Variants in PHLDB2 observed in about 807,000 individuals in gnomAD.
The protein encoded by PHLDB2 is pleckstrin homology like domain family B member 2.
PHLDB2 carries 71 observed loss-of-function variants against 123.6 expected under a neutral mutation model. That is an observed-to-expected ratio of 0.57 (90% CI 0.47 to 0.70). The LOEUF is 0.70. Ranked by LOEUF, PHLDB2 falls within the 30% of genes least tolerant of loss-of-function variation. The pLI is 0.00. For synonymous variants in PHLDB2, 547 were observed against 541.6 expected, an observed-to-expected ratio of 1.01 and a Z score of -0.14; for missense variants, 1,446 against 1,519.5, an observed-to-expected ratio of 0.95 and a Z score of 0.80.
chr3:111,823,078 C>T (rs1296012274), intron 1 of PHLDB2, among the ~76,000 whole-genome samples: 1 of 152,326 alleles, frequency 6.6e-6, no homozygotes, highest in East Asian at 1.9e-4. Flanking sequence ...CATAGTACCA[C>T]CAAGGTGATG....
intron 16 of PHLDB2, among the ~76,000 whole-genome samples, chr3:111,972,580 T>G (rs542374437): frequency 7.6e-4 from 115 of 152,234 alleles, no homozygotes; most frequent in South Asian, 3.3e-3. Flanking sequence ...CTTCTATATA[T>G]GTTTCAGTAT....
intron 1 of PHLDB2, among the ~76,000 whole-genome samples, chr3:111,837,242 G>A (rs2063457184): frequency 6.6e-6 from 1 of 152,124 alleles, no homozygotes; most frequent in Non-Finnish European, 1.5e-5. Flanking sequence ...AATATCTAAA[G>A]TTTAGGAATG....
intron 1 of PHLDB2, among the ~76,000 whole-genome samples, chr3:111,868,682 AAT>A (rs1163238367): frequency 6.6e-6 from 1 of 151,932 alleles, no homozygotes. Flanking sequence ...GTCTCCTTTA[AAT>A]ATTGGTAAAG....
At chr3:111,803,582 A>G (rs1183273982) in intron 1 of PHLDB2, among the ~76,000 whole-genome samples, 3 of 152,094 alleles carry the variant, frequency 2.0e-5, no homozygotes, top group Non-Finnish European at 4.4e-5. Context: ...ATGGAACACC[A>G]TCTCACCCAC....
chr3:111,857,750 C>T (rs535470690), upstream of PHLDB2, among the ~76,000 whole-genome samples: 21 of 152,198 alleles, frequency 1.4e-4, no homozygotes, highest in East Asian at 3.1e-3. Flanking sequence ...AAAACCACAA[C>T]GAGATACCAT....
At chr3:111,825,759 C>T (rs1386491149) in intron 1 of PHLDB2, among the ~76,000 whole-genome samples, 2 of 152,172 alleles carry the variant, frequency 1.3e-5, no homozygotes, top group African/African-American at 4.8e-5. Context: ...GCCCACACTT[C>T]CTCTTTTAAA....
chr3:111,878,333 T>C (rs1218853984), intron 1 of PHLDB2, among the ~76,000 whole-genome samples: 1 of 152,244 alleles, frequency 6.6e-6, no homozygotes, highest in African/African-American at 2.4e-5. Flanking sequence ...GGGAGTTCAC[T>C]CATGATTTGG....
At position 111,884,812 on chromosome 3, in the gene PHLDB2, C is replaced by G. The variant is rs1220400736; in HGVS notation, c.735C>G (p.Ser245Arg). 5.6e-6 allele frequency: 9 copies of G among 1,613,974 alleles called. No individual in the cohort carries two copies. In the African/African-American group the frequency reaches 1.2e-4, roughly 22 times the overall value. The change falls in exon 2 of 18, where the codon AGC becomes AGG. Residue 245 changes from serine to arginine, a missense_variant. By Grantham distance (110) the Ser-to-Arg change is moderately radical. Around this residue, in one of 3 missense-constraint regions of PHLDB2, gnomAD observed 832 missense variants for 831.9 expected, o/e 1.00. Transcript: ENST00000431670. Reference sequence around the variant, plus strand: ...GAACTAGGAAGTACTCCAGCAGCAGCCTGAGTCACATGGGAGCCTACAGCC... The same window carrying G: ...GAACTAGGAAGTACTCCAGCAGCAGGCTGAGTCACATGGGAGCCTACAGCC... ...NLRTRKYSSS[S>R]LSHMGAYSRS... is the part of the protein sequence containing the mutation.
chr3:111,813,892 C>T (rs150934759), intron 1 of PHLDB2, among the ~76,000 whole-genome samples: 71 of 152,348 alleles, frequency 4.7e-4, no homozygotes, highest in African/African-American at 1.7e-3. Flanking sequence ...CTGTTTCAAA[C>T]AACCCAAGAT....
At chr3:111,810,836 A>G (rs556703720) in intron 1 of PHLDB2, among the ~76,000 whole-genome samples, 14 of 152,320 alleles carry the variant, frequency 9.2e-5, no homozygotes, top group South Asian at 6.2e-4. Context: ...TAAATTTTAC[A>G]AAGATCCTCA....
chr3:111,820,050 C>T (rs535570463), intron 1 of PHLDB2, among the ~76,000 whole-genome samples: 14 of 152,266 alleles, frequency 9.2e-5, no homozygotes, highest in Non-Finnish European at 1.5e-4. Flanking sequence ...CCATCCTTGC[C>T]CTAGTGGCTT....
At chr3:111,780,138 G>C (rs1466491587) in intron 1 of PHLDB2, among the ~76,000 whole-genome samples, 2 of 150,950 alleles carry the variant, frequency 1.3e-5, no homozygotes, top group South Asian at 4.2e-4. Context: ...ACTCATGCTG[G>C]AATTTAATTG....
At chr3:111,824,461 T>C (rs1013960175) in intron 1 of PHLDB2, among the ~76,000 whole-genome samples, 1 of 152,156 alleles carries the variant, frequency 6.6e-6, no homozygotes, top group African/African-American at 2.4e-5. Context: ...CAAAGAGTTA[T>C]CTAATAACTT....
At chr3:111,747,923 TG>T (rs2059706291) in intron 1 of PHLDB2, among the ~76,000 whole-genome samples, 1 of 152,210 alleles carries the variant, frequency 6.6e-6, no homozygotes, top group Non-Finnish European at 1.5e-5. Flanking sequence ...TGGCAGCCCC[TG>T]GACCCTGATT....
chr3:111,887,715 A>G (rs1454526410), intron 2 of PHLDB2, among the ~76,000 whole-genome samples: 2 of 152,160 alleles, frequency 1.3e-5, no homozygotes, highest in South Asian at 2.1e-4. Flanking sequence ...AATCACTTCT[A>G]TGTAATTAAT....
chr3:111,830,439 A>T (rs1040719359), intron 1 of PHLDB2, among the ~76,000 whole-genome samples: 2 of 151,912 alleles, frequency 1.3e-5, no homozygotes, highest in Admixed American at 6.6e-5. Context: ...TTTAAAAAAA[A>T]GAATATATGT....
intron 1 of PHLDB2, among the ~76,000 whole-genome samples, chr3:111,772,719 G>A (rs546628282): frequency 6.6e-6 from 1 of 152,154 alleles, no homozygotes; most frequent in African/African-American, 2.4e-5. Context: ...ATCCAGGGTC[G>A]TTTTCTTTAC....
At chr3:111,838,533 C>T (rs2063519975) in intron 1 of PHLDB2, among the ~76,000 whole-genome samples, 1 of 152,154 alleles carries the variant, frequency 6.6e-6, no homozygotes, top group Non-Finnish European at 1.5e-5. Context: ...CAGAACCCTT[C>T]AGACAGTCAA....
chr3:111,746,450 C>T (rs552462493), intron 1 of PHLDB2, among the ~76,000 whole-genome samples: 16 of 152,232 alleles, frequency 1.1e-4, no homozygotes, highest in African/African-American at 2.6e-4. Flanking sequence ...GGTTCATGTC[C>T]AGCATAATGA....
Sources: allele counts gnomAD v4.1 joint callset (sites outside exome capture counted in the v4.1 genomes callset), GRCh38; gene constraint gnomAD v4.1.1; regional missense constraint gnomAD v4.1.1; transcripts MANE v1.5; gene names NCBI Gene and HGNC (gene_info 2026-07-23, HGNC 2026-07-21).